The following TAPT1 variants were observed in gnomAD, a reference collection of about 807,000 sequenced individuals.
The protein encoded by TAPT1 is transmembrane anterior posterior transformation protein 1 homolog.
Under a neutral mutation model 65.6 loss-of-function variants are expected in TAPT1, and 28 were observed. That is an observed-to-expected ratio of 0.43 (90% confidence interval 0.32 to 0.59). The LOEUF is 0.59. Ranked by LOEUF, TAPT1 falls within the 20% of genes least tolerant of loss-of-function variation. The pLI is 0.09. For missense variants in TAPT1, 563 were observed against 679.9 expected (o/e 0.83, Z 1.91); for synonymous variants, 278 against 245.2 (o/e 1.13, Z -1.25).
In TAPT1 at chr4:16,199,399, AAATT is replaced by A. The variant is rs202177982; in HGVS notation, c.449+3059_449+3062del. Among the ~76,000 whole-genome samples, 125 of 152,314 alleles carry A rather than the reference AAATT, an allele frequency of 8.2e-4. 2 individuals are homozygous for A. In the East Asian group the frequency reaches 0.022, roughly 27 times the overall value. The stretch of plus-strand genomic sequence containing the variant: ...AACATCTTATTTTCAAATGATACTC[AAATT>A]AATTTAGATTCAAAGTATTTCAAAC... On this transcript the variant is annotated intron_variant, in intron 3 of 13. Coordinates refer to ENST00000405303, the MANE Select transcript of TAPT1 (RefSeq NM_153365.3).
In TAPT1 at chr4:16,170,315, T is replaced by C. The variant is rs532827204; in HGVS notation, c.1313+338A>G. 9.2e-5 allele frequency among the ~76,000 whole-genome samples: 14 copies of C among 152,344 alleles called. No individual in the cohort carries two copies. In the South Asian group the frequency reaches 2.1e-3, roughly 23 times the overall value. ...TGAACAATTCAATGTGGCAAACATA[T>C]TGGAGGGTCAAAGATGTTTTTAAAT... On this transcript the variant is annotated intron_variant, in intron 12 of 13. Coordinates refer to ENST00000405303, the MANE Select transcript of TAPT1 (RefSeq NM_153365.3).
At position 16,226,438 on chromosome 4, in the gene TAPT1, G is replaced by C. The variant is rs1268967150; in HGVS notation, c.20C>G (p.Ala7Gly). 3.7e-6 allele frequency: 4 copies of C among 1,073,782 alleles called. No individual in the cohort carries two copies. Among genetic ancestry groups the C allele is most frequent in the Non-Finnish European group, 4.5e-6 (4 of 888,862 alleles). The allele number at this position is 1,073,782 out of a possible 1,614,324, so 66.5% of individuals were successfully genotyped here. MAGVGDAAAPGEGGGGG... is the reference protein window; with the variant it reads MAGVGDGAAPGEGGGGG... ...ACCGCCGCCTTCTCCCGGAGCGGCC[G>C]CGTCGCCGACGCCCGCCATGTTCCG... Residue 7 changes from alanine to glycine, a missense_variant, in exon 1 of 14, where the codon GCG becomes GGG. Coordinates refer to ENST00000405303, the MANE Select transcript of TAPT1 (RefSeq NM_153365.3).
intron 4 of TAPT1, among the ~76,000 whole-genome samples, chr4:16,189,291 T>A (rs2149690335): frequency 6.6e-6 from 1 of 152,306 alleles, no homozygotes; most frequent in Non-Finnish European, 1.5e-5. Flanking sequence ...TGCCTTAGTC[T>A]GTTCTTTTTC....
intron 3 of TAPT1, among the ~76,000 whole-genome samples, chr4:16,201,561 G>C (rs1283986130): frequency 6.6e-6 from 1 of 152,118 alleles, no homozygotes; most frequent in African/African-American, 2.4e-5. Flanking sequence ...TATATACAGA[G>C]TGGAGACACA....
intron 2 of TAPT1, among the ~76,000 whole-genome samples, chr4:16,208,226 T>C (rs757234523): frequency 2.0e-5 from 3 of 152,234 alleles, no homozygotes; most frequent in Non-Finnish European, 2.9e-5. Context: ...ACTATATTCA[T>C]GGAAGGATCT....
At chr4:16,204,620 C>T (rs1020389080) in intron 2 of TAPT1, among the ~76,000 whole-genome samples, 1 of 152,230 alleles carries the variant, frequency 6.6e-6, no homozygotes, top group Non-Finnish European at 1.5e-5. Context: ...GGAAGGACTT[C>T]AGAAGCCTTC....
intron 4 of TAPT1, chr4:16,191,113 G>C (rs1236374459): frequency 2.8e-6 from 1 of 358,626 alleles, no homozygotes; most frequent in African/African-American, 2.1e-5. Flanking sequence ...CTTGCCACCA[G>C]AGGTGTGTCC....
At chr4:16,173,146 G>GT (rs1230760119) in intron 11 of TAPT1, among the ~76,000 whole-genome samples, 1 of 152,144 alleles carries the variant, frequency 6.6e-6, no homozygotes, top group Non-Finnish European at 1.5e-5. Flanking sequence ...TTTGATGTTA[G>GT]AATCGGTAGT....
At chr4:16,164,428 C>T (rs1051259909) in intron 13 of TAPT1, among the ~76,000 whole-genome samples, 3 of 152,156 alleles carry the variant, frequency 2.0e-5, no homozygotes, top group Non-Finnish European at 4.4e-5. Flanking sequence ...AGTCTGTGTT[C>T]TCCTGACCTC....
intron 4 of TAPT1, among the ~76,000 whole-genome samples, chr4:16,188,703 G>A (rs1305891835): frequency 2.0e-5 from 3 of 151,614 alleles, no homozygotes; most frequent in East Asian, 2.0e-4. Context: ...GGCGGATCAC[G>A]AGGTCAGGAG....
Position 16,180,977 on chromosome 4 carries a change from C to T in TAPT1, c.917-1320G>A, listed in dbSNP as rs190813365. On this transcript the variant is annotated intron_variant, in intron 7 of 13. Coordinates refer to ENST00000405303, the MANE Select transcript of TAPT1 (RefSeq NM_153365.3). ...GCCTCTTTAGGAGGCAGGGCACCTC[C>T]GGAGCAAGGCCATGTGGATTTTCAG... Among the ~76,000 whole-genome samples, 43 of 152,302 alleles carry T rather than the reference C, an allele frequency of 2.8e-4. No individual in the cohort carries two copies. In the East Asian group the frequency reaches 5.0e-3, roughly 18 times the overall value.
rs75761088 is a variant in TAPT1 at position 16,176,253 on chromosome 4, A to G, written c.998-25T>C. The G allele has an allele frequency of 2.6e-4, 324 of 1,230,778 alleles. No homozygotes were observed. In the East Asian group the frequency reaches 7.1e-3, roughly 27 times the overall value. The allele number at this position is 1,230,778 out of a possible 1,614,324, so 76.2% of individuals were successfully genotyped here. A position where few individuals can be genotyped will look rare whatever the true frequency, so the allele number is the denominator to read the frequency against. ...TCTGTAAATAGAAAAAAGAAAAACA[A>G]CGAAATATCTTAATATGAACAGAAT... On this transcript the variant is annotated intron_variant, in intron 8 of 13. Transcript: ENST00000405303.
intron 9 of TAPT1, 116 bp from the exon 10 acceptor site, chr4:16,174,845 C>A (rs945541317): frequency 4.3e-5 from 30 of 694,992 alleles, no homozygotes; most frequent in Non-Finnish European, 6.8e-5. Context: ...GTGCTAATAA[C>A]CAAGCTGACA....
intron 2 of TAPT1, among the ~76,000 whole-genome samples, chr4:16,210,647 A>G (rs540779134): frequency 6.6e-6 from 1 of 152,386 alleles, no homozygotes; most frequent in African/African-American, 2.4e-5. Flanking sequence ...ACTCAGAGTT[A>G]GACAGTTCGG....
intron 1 of TAPT1, chr4:16,216,267 T>C (rs1017517927): frequency 6.6e-6 from 1 of 152,264 alleles, no homozygotes; most frequent in Admixed American, 6.5e-5. Context: ...GCTGGTTCAG[T>C]GCTCTATTCA....
At chr4:16,172,250 A>C (rs1333895330) in intron 11 of TAPT1, among the ~76,000 whole-genome samples, 1 of 152,336 alleles carries the variant, frequency 6.6e-6, no homozygotes, top group East Asian at 1.9e-4. Context: ...ACTATTTCAA[A>C]AAAAGTTCAT....
chr4:16,185,541 G>C (rs187408502), intron 7 of TAPT1, among the ~76,000 whole-genome samples: 1 of 152,092 alleles, frequency 6.6e-6, no homozygotes, highest in Non-Finnish European at 1.5e-5. Context: ...GCTAATTTTG[G>C]TATTTTTAGT....
intron 1 of TAPT1, among the ~76,000 whole-genome samples, chr4:16,220,087 T>A (rs557342513): frequency 6.6e-6 from 1 of 152,324 alleles, no homozygotes; most frequent in East Asian, 1.9e-4. Flanking sequence ...AGTGCCGAGG[T>A]ATACCTGCGT....
intron 3 of TAPT1, among the ~76,000 whole-genome samples, chr4:16,199,831 C>T (rs1749928090): frequency 6.6e-6 from 1 of 151,994 alleles, no homozygotes; most frequent in South Asian, 2.1e-4. Flanking sequence ...CTCAAGCTAC[C>T]CTCCCACCTT....
Sources: gnomAD v4.1 joint callset for allele counts (sites outside exome capture counted in the v4.1 genomes callset) on GRCh38, gnomAD v4.1.1 for gene constraint, MANE v1.5 for transcripts, NCBI Gene and HGNC (gene_info 2026-07-23, HGNC 2026-07-21) for gene names.